The following SLC35F4 variants were observed in gnomAD, a reference collection of about 807,000 sequenced individuals.
SLC35F4 encodes solute carrier family 35 member F4.
Under a neutral mutation model 44.2 loss-of-function variants are expected in SLC35F4, and 24 were observed. The ratio of observed to expected loss-of-function variants is 0.54; its 90% CI spans 0.39 to 0.76. The LOEUF is 0.76. SLC35F4 is among the 30% of genes least tolerant of loss of function. SLC35F4 has a pLI of 0.00. For missense variants in SLC35F4, 562 were observed against 586.1 expected (o/e 0.96, Z 0.42); for synonymous variants, 238 against 223.6 (o/e 1.06, Z -0.57).
chr14:57,755,941 C>G (rs1055056135), intron 1 of SLC35F4, among the ~76,000 whole-genome samples: 2 of 152,170 alleles, frequency 1.3e-5, no homozygotes, highest in Non-Finnish European at 2.9e-5. Flanking sequence ...GCCATTCATA[C>G]CTGTTCAACA....
intron 1 of SLC35F4, among the ~76,000 whole-genome samples, chr14:57,945,493 A>G (rs1023580016): frequency 8.3e-4 from 53 of 63,586 alleles, no homozygotes; most frequent in African/African-American, 3.5e-3. Context: ...GTGTGTGTGT[A>G]TCACATTTTC....
At chr14:57,942,615 C>T (rs913074909) in intron 1 of SLC35F4, among the ~76,000 whole-genome samples, 4 of 152,106 alleles carry the variant, frequency 2.6e-5, no homozygotes, top group Non-Finnish European at 4.4e-5. Context: ...TTTATCAATA[C>T]CAACTAATAC....
At chr14:57,705,915 C>A (rs1566781233) in intron 1 of SLC35F4, among the ~76,000 whole-genome samples, 1 of 152,066 alleles carries the variant, frequency 6.6e-6, no homozygotes, top group Admixed American at 6.5e-5. Flanking sequence ...TTCAACTTTT[C>A]CCACTTCAAA....
chr14:57,613,106 G>C (rs2071606487), intron 1 of SLC35F4, among the ~76,000 whole-genome samples: 1 of 152,112 alleles, frequency 6.6e-6, no homozygotes, highest in South Asian at 2.1e-4. Context: ...TGGAGTCCCT[G>C]CTTCTCTGTC....
At chr14:57,736,597 C>T (rs2076470658) in intron 1 of SLC35F4, among the ~76,000 whole-genome samples, 1 of 152,182 alleles carries the variant, frequency 6.6e-6, no homozygotes, top group African/African-American at 2.4e-5. Context: ...GGCAGCTGAT[C>T]AGCAACAAGT....
chr14:57,629,970 T>C (rs1467878902), intron 1 of SLC35F4: 1 of 521,044 alleles, frequency 1.9e-6, no homozygotes, highest in African/African-American at 1.9e-5. Context: ...ACACCAGGTA[T>C]GAAGATTTAC....
At chr14:57,627,107 C>T (rs115061253) in intron 1 of SLC35F4, among the ~76,000 whole-genome samples, 4,280 of 152,168 alleles carry the variant, frequency 0.028, 78 homozygotes, top group Middle Eastern at 0.055. Flanking sequence ...ATATAAAGTT[C>T]ACATTTTGCA....
At chr14:57,669,595 G>C (rs1332471270) in intron 1 of SLC35F4, among the ~76,000 whole-genome samples, 1 of 152,088 alleles carries the variant, frequency 6.6e-6, no homozygotes, top group Non-Finnish European at 1.5e-5. Context: ...TAATCATGCG[G>C]TTTTTGTCAT....
intron 1 of SLC35F4, among the ~76,000 whole-genome samples, chr14:57,625,678 C>G (rs2072438849): frequency 6.6e-6 from 1 of 152,130 alleles, no homozygotes; most frequent in African/African-American, 2.4e-5. Context: ...TTCGACAAAC[C>G]TGACAAAAAC....
rs976529412 is a variant in SLC35F4, at chr14:57,865,320, G to A, written c.103+403C>T. On this transcript the variant is annotated intron_variant, in intron 1 of 7. Coordinates refer to ENST00000556826, the MANE Select transcript of SLC35F4 (RefSeq NM_001306087.2). ...CCCCAGCCTGCGTCCCCAGCGCCCC[G>A]CACGCAGTAGGGGCTTTCGGGGCAT... 4.3e-5 allele frequency among the ~76,000 whole-genome samples: 6 copies of A among 140,124 alleles called. No homozygotes were observed. In the East Asian group the frequency reaches 1.3e-3, roughly 30 times the overall value. The allele number at this position is 140,124 out of a possible 152,430, so 91.9% of individuals were successfully genotyped here. A position where few individuals can be genotyped will look rare whatever the true frequency, so the allele number is the denominator to read the frequency against.
chr14:57,618,364 C>G (rs2071974254), intron 1 of SLC35F4, among the ~76,000 whole-genome samples: 1 of 152,118 alleles, frequency 6.6e-6, no homozygotes, highest in Non-Finnish European at 1.5e-5. Flanking sequence ...ACTGGTTAGA[C>G]AGTGGGTGCA....
intron 1 of SLC35F4, among the ~76,000 whole-genome samples, chr14:57,940,714 C>G (rs961024342): frequency 6.6e-6 from 1 of 152,214 alleles, no homozygotes; most frequent in Non-Finnish European, 1.5e-5. Flanking sequence ...CCAACTCCTC[C>G]TCTTCTTCCA....
rs1482649767 is a variant in SLC35F4, at chr14:57,876,652, T to A, written n.282+105261A>T. 7.2e-5 allele frequency among the ~76,000 whole-genome samples: 11 copies of A among 152,318 alleles called. No individual in the cohort carries two copies. In the East Asian group the frequency reaches 2.1e-3, roughly 29 times the overall value. On this transcript the variant is annotated intron_variant and non_coding_transcript_variant, in intron 1 of 1. Transcript: ENST00000556568. ...GAAGTTGGTTGTGTTCAAGTTATAA[T>A]CTTGAGAATGGATTGAGAAATGCAT...
chr14:57,981,213 A>G (rs752067145), intron 1 of SLC35F4, among the ~76,000 whole-genome samples: 6 of 152,200 alleles, frequency 3.9e-5, no homozygotes, highest in Non-Finnish European at 7.3e-5. Context: ...TCCTCTGAAC[A>G]TGTGTAACCA....
chr14:57,840,125 C>T (rs1046324811), intron 1 of SLC35F4, among the ~76,000 whole-genome samples: 1 of 152,084 alleles, frequency 6.6e-6, no homozygotes, highest in African/African-American at 2.4e-5. Context: ...GAGGAGAGAA[C>T]TTTTAATATT....
At chr14:57,566,405 G>T in intron 7 of SLC35F4, 70 bp downstream of exon 7, 3 of 1,430,478 alleles carry the variant, frequency 2.1e-6, no homozygotes, top group Non-Finnish European at 1.9e-6. Context: ...GAACAACTCA[G>T]GACACAGAAC....
chr14:57,784,537 TAGTC>T (rs1379046700), intron 1 of SLC35F4, among the ~76,000 whole-genome samples: 4 of 152,210 alleles, frequency 2.6e-5, no homozygotes, highest in South Asian at 2.1e-4. Context: ...AATTTTTTCT[TAGTC>T]AGGGGCGTGC....
intron 1 of SLC35F4, among the ~76,000 whole-genome samples, chr14:57,927,186 C>T (rs1889591930): frequency 1.3e-5 from 2 of 152,194 alleles, no homozygotes; most frequent in East Asian, 3.8e-4. Context: ...TGTCCTGTTT[C>T]TGATAAAAGG....
At chr14:57,649,406 T>C (rs1349562785) in intron 1 of SLC35F4, among the ~76,000 whole-genome samples, 1 of 152,080 alleles carries the variant, frequency 6.6e-6, no homozygotes, top group Non-Finnish European at 1.5e-5. Context: ...TGGCTCATGA[T>C]CCCCTATCAC....
Sources: gnomAD v4.1 joint callset for allele counts (sites outside exome capture counted in the v4.1 genomes callset) on GRCh38, gnomAD v4.1.1 for gene constraint, MANE v1.5 for transcripts, NCBI Gene and HGNC (gene_info 2026-07-23, HGNC 2026-07-21) for gene names.